Variants in GPC5 observed in about 807,000 individuals in gnomAD.
GPC5 encodes glypican 5.
A neutral mutation model predicts 53.9 loss-of-function variants in GPC5; 47 were observed. The observed-to-expected ratio is 0.87, with a 90% CI of 0.69 to 1.11. The LOEUF is 1.11. Ranked by LOEUF, GPC5 falls within the 50% of genes most tolerant of loss-of-function variation. The pLI, the probability that GPC5 is intolerant of heterozygous loss-of-function variation, is 0.00. For synonymous variants in GPC5, 286 were observed against 263.3 expected (o/e 1.09, Z -0.84); for missense variants, 748 against 713.1 (o/e 1.05, Z -0.56).
intron 2 of GPC5, among the ~76,000 whole-genome samples, chr13:91,625,006 A>G (rs2033960694): frequency 6.6e-6 from 1 of 151,966 alleles, no homozygotes; most frequent in South Asian, 2.1e-4. Flanking sequence ...AAGGAGAAAC[A>G]CTGACCTCAA....
chr13:92,432,253 C>T (rs1245759374), intron 7 of GPC5, among the ~76,000 whole-genome samples: 1 of 151,748 alleles, frequency 6.6e-6, no homozygotes, highest in African/African-American at 2.4e-5. Flanking sequence ...CCTTTCAGAA[C>T]TGTGAGAAAA....
At chr13:92,223,591 T>C (rs547349965) in intron 7 of GPC5, among the ~76,000 whole-genome samples, 2 of 152,166 alleles carry the variant, frequency 1.3e-5, no homozygotes, top group Non-Finnish European at 2.9e-5. Context: ...GTGATCAGCA[T>C]ATGATATAAA....
intron 7 of GPC5, among the ~76,000 whole-genome samples, chr13:92,373,881 A>C (rs1158928978): frequency 2.0e-5 from 3 of 152,202 alleles, no homozygotes; most frequent in Non-Finnish European, 4.4e-5. Flanking sequence ...AGGAAAGAGA[A>C]TGGTTAGTGT....
intron 1 of GPC5, among the ~76,000 whole-genome samples, chr13:91,420,926 G>C (rs1277827801): frequency 1.3e-5 from 2 of 152,114 alleles, no homozygotes. Flanking sequence ...ATCTAGTCTT[G>C]GGTAGTATCT....
chr13:92,433,511 G>A (rs758882141), intron 7 of GPC5, among the ~76,000 whole-genome samples: 20 of 152,168 alleles, frequency 1.3e-4, no homozygotes, highest in Non-Finnish European at 2.2e-4. Flanking sequence ...GGCAGAGCTA[G>A]TGTTGTAATT....
chr13:92,290,960 C>T (rs1334260512), intron 7 of GPC5, among the ~76,000 whole-genome samples: 3 of 152,116 alleles, frequency 2.0e-5, no homozygotes, highest in Admixed American at 6.5e-5. Flanking sequence ...TGGGCCTGGG[C>T]TCGGCAGGCC....
chr13:92,600,468 T>G (rs1183156471), intron 7 of GPC5, among the ~76,000 whole-genome samples: 2 of 151,902 alleles, frequency 1.3e-5, no homozygotes, highest in African/African-American at 4.9e-5. Flanking sequence ...CATGTGTTTT[T>G]TTTTCTTTTC....
At chr13:91,838,310 C>G (rs139379567) in intron 5 of GPC5, among the ~76,000 whole-genome samples, 2 of 152,058 alleles carry the variant, frequency 1.3e-5, no homozygotes, top group Non-Finnish European at 2.9e-5. Context: ...TAAAAGGACA[C>G]TCTTAGCTCA....
chr13:92,059,127 GGA>G, intron 6 of GPC5, among the ~76,000 whole-genome samples: 1 of 152,184 alleles, frequency 6.6e-6, no homozygotes, highest in East Asian at 1.9e-4. Flanking sequence ...GCAGATTTAG[GGA>G]GTAATCACAG....
intron 7 of GPC5, among the ~76,000 whole-genome samples, chr13:92,775,524 A>G (rs1320499835): frequency 6.6e-6 from 1 of 152,190 alleles, no homozygotes; most frequent in Non-Finnish European, 1.5e-5. Flanking sequence ...TTTTAAAGGT[A>G]ACACTAGAAC....
At chr13:91,653,372 C>A (rs1240901379) in intron 2 of GPC5, among the ~76,000 whole-genome samples, 1 of 151,890 alleles carries the variant, frequency 6.6e-6, no homozygotes, top group Non-Finnish European at 1.5e-5. Context: ...GTTACCAGAG[C>A]CTGGGAAGGG....
chr13:91,518,553 T>C (rs1450530761), intron 2 of GPC5, among the ~76,000 whole-genome samples: 1 of 152,128 alleles, frequency 6.6e-6, no homozygotes, highest in African/African-American at 2.4e-5. Flanking sequence ...GAATTTCAGA[T>C]TTCTTTTTTC....
chr13:92,840,929 A>G (rs965803494), intron 7 of GPC5, among the ~76,000 whole-genome samples: 1 of 152,096 alleles, frequency 6.6e-6, no homozygotes, highest in Non-Finnish European at 1.5e-5. Context: ...CAGAAACACA[A>G]CTGATTTTCC....
At chr13:92,060,334 A>G (rs1460144057) in intron 6 of GPC5, among the ~76,000 whole-genome samples, 1 of 152,102 alleles carries the variant, frequency 6.6e-6, no homozygotes, top group African/African-American at 2.4e-5. Flanking sequence ...TGAAATACAA[A>G]TTAAAAATAT....
intron 7 of GPC5, among the ~76,000 whole-genome samples, chr13:92,574,977 C>T (rs773952475): frequency 2.9e-4 from 44 of 152,096 alleles, no homozygotes; most frequent in Admixed American, 7.9e-4. Context: ...TCAATGATTT[C>T]CCTGATTTCT....
At chr13:92,756,830 G>A (rs1360520003) in intron 7 of GPC5, among the ~76,000 whole-genome samples, 1 of 150,406 alleles carries the variant, frequency 6.6e-6, no homozygotes, top group African/African-American at 2.4e-5. Context: ...GGAAATAAAA[G>A]AGGATACAAA....
rs1184302523 is a variant in GPC5, at chr13:91,912,265, A to G, written c.1401+4208A>G. Reference sequence around the variant, plus strand: ...CATTAATTTTTTTCTTACTGTAAGAATAATGACTCAGGAGACGGAGGCTGC... The same window carrying G: ...CATTAATTTTTTTCTTACTGTAAGAGTAATGACTCAGGAGACGGAGGCTGC... On this transcript the variant is annotated intron_variant, in intron 6 of 7. Coordinates refer to ENST00000377067, the MANE Select transcript of GPC5 (RefSeq NM_004466.6). 2.6e-5 allele frequency among the ~76,000 whole-genome samples: 4 copies of G among 152,166 alleles called. 1 individual carries two copies. Among genetic ancestry groups the G allele is most frequent in the East Asian group, 1.9e-4 (1 of 5,190 alleles).
intron 7 of GPC5, among the ~76,000 whole-genome samples, chr13:92,323,543 A>G (rs1014350921): frequency 6.6e-6 from 1 of 151,718 alleles, no homozygotes; most frequent in Non-Finnish European, 1.5e-5. Flanking sequence ...CATATATAAT[A>G]TATTTTTATG....
chr13:92,281,690 A>T (rs2139169554), intron 7 of GPC5, among the ~76,000 whole-genome samples: 2 of 152,340 alleles, frequency 1.3e-5, no homozygotes, highest in East Asian at 3.9e-4. Context: ...GAGGGTCCTG[A>T]CTGTTAGAAG....
Sources: allele counts gnomAD v4.1 joint callset (sites outside exome capture counted in the v4.1 genomes callset), GRCh38; gene constraint gnomAD v4.1.1; transcripts MANE v1.5; gene names NCBI Gene and HGNC (gene_info 2026-07-23, HGNC 2026-07-21).